Variants in FGD4 observed in about 807,000 individuals in gnomAD.
The protein encoded by FGD4 is FYVE, RhoGEF and PH domain-containing protein 4.
FGD4 carries 42 observed loss-of-function variants against 102.0 expected under a neutral mutation model. That is an observed-to-expected ratio of 0.41 (90% CI 0.32 to 0.53). The LOEUF (loss-of-function observed/expected upper bound fraction) is 0.53. Ranked by LOEUF, FGD4 falls within the 20% of genes least tolerant of loss-of-function variation. The probability of loss-of-function intolerance (pLI) is 0.21; values close to 1 mark genes in which losing one functional copy is unlikely to be tolerated. For synonymous variants in FGD4, 380 were observed against 375.7 expected (o/e 1.01, Z -0.13); for missense variants, 902 against 1,078.2 (o/e 0.84, Z 2.29).
intron 1 of FGD4, among the ~76,000 whole-genome samples, chr12:32,448,658 CAAAAAAA>C (rs112621517): frequency 1.2e-5 from 1 of 85,624 alleles, no homozygotes; most frequent in Non-Finnish European, 2.4e-5. Context: ...AACTCCATCG[CAAAAAAA>C]AAAAAAAGAA....
In FGD4 at chr12:32,607,894, G is replaced by A. The variant is rs1275986388; in HGVS notation, c.1405-63G>A. On this transcript the variant is annotated intron_variant, in intron 7 of 16. Coordinates refer to ENST00000534526, the MANE Select transcript of FGD4 (RefSeq NM_001370298.3). ...CCCTTGACGAAAGTTCTGTTTTACA[G>A]TGAGTTTTTAGACTTGCTAACCTAA... The A allele has an allele frequency of 3.1e-6, 5 of 1,593,162 alleles. No individual in the cohort carries two copies. The African/African-American group carries it at 5.4e-5, about 17-fold the overall frequency.
chr12:32,440,448 T>C (rs1292559447), intron 1 of FGD4, among the ~76,000 whole-genome samples: 1 of 152,190 alleles, frequency 6.6e-6, no homozygotes, highest in Non-Finnish European at 1.5e-5. Flanking sequence ...GGCAAAATTA[T>C]CTGGATCACC....
At chr12:32,606,804 A>C (rs1948812632) in intron 7 of FGD4, among the ~76,000 whole-genome samples, 1 of 152,144 alleles carries the variant, frequency 6.6e-6, no homozygotes, top group Non-Finnish European at 1.5e-5. Context: ...TCTTTTGTTA[A>C]CAGTTTCTTG....
chr12:32,455,618 C>T (rs1404934341), intron 1 of FGD4, among the ~76,000 whole-genome samples: 1 of 151,992 alleles, frequency 6.6e-6, no homozygotes, highest in Non-Finnish European at 1.5e-5. Context: ...TTCTGTGCAG[C>T]TTTTATGAAG....
At chr12:32,621,651 G>C (rs953735364) in intron 11 of FGD4, among the ~76,000 whole-genome samples, 3 of 152,216 alleles carry the variant, frequency 2.0e-5, no homozygotes, top group Admixed American at 2.0e-4. Context: ...AAAGTTTGAA[G>C]AAACAGCCAG....
intron 1 of FGD4, among the ~76,000 whole-genome samples, chr12:32,434,128 A>G (rs1284823999): frequency 1.3e-5 from 2 of 152,184 alleles, no homozygotes; most frequent in African/African-American, 2.4e-5. Flanking sequence ...TGCTGGGATT[A>G]CAGGCATGAA....
At position 32,644,224 on chromosome 12, in the gene FGD4, G is replaced by C. The variant is rs1275692793; in HGVS notation, c.*3691G>C. On this transcript the variant is annotated 3_prime_UTR_variant, in exon 17 of 17. Transcript: ENST00000534526. Reference sequence around the variant, plus strand: ...GTGGCCAACCAGTTCCTATTCTTCAGACTGTATTGACATCTGTAGTGGATC... The same window carrying C: ...GTGGCCAACCAGTTCCTATTCTTCACACTGTATTGACATCTGTAGTGGATC... The C allele has an allele frequency of 1.3e-5, 2 of 152,068 alleles. No individual in the cohort carries two copies. The highest frequency in any genetic ancestry group is 4.8e-5 in the African/African-American group (2 of 41,424). 9.4% of individuals were successfully genotyped at this position (152,068 alleles called of 1,614,324 possible). A position where few individuals can be genotyped will look rare whatever the true frequency, so the allele number is the denominator to read the frequency against.
At chr12:32,628,092 A>G (rs1950284501) in intron 14 of FGD4, among the ~76,000 whole-genome samples, 1 of 152,248 alleles carries the variant, frequency 6.6e-6, no homozygotes, top group South Asian at 2.1e-4. Context: ...CAGCGCTGGC[A>G]GCAGAGACAT....
At chr12:32,461,806 T>A (rs1943111340) in intron 1 of FGD4, among the ~76,000 whole-genome samples, 1 of 152,058 alleles carries the variant, frequency 6.6e-6, no homozygotes, top group Admixed American at 6.6e-5. Flanking sequence ...AGCTTACTGC[T>A]ACCTCTGCCT....
intron 4 of FGD4, among the ~76,000 whole-genome samples, chr12:32,593,219 C>G (rs1947621863): frequency 6.6e-6 from 1 of 152,088 alleles, no homozygotes; most frequent in Non-Finnish European, 1.5e-5. Context: ...ATAATTATAA[C>G]AGTGTCTGGC....
intron 10 of FGD4, among the ~76,000 whole-genome samples, chr12:32,615,629 C>T (rs1192528798): frequency 3.3e-5 from 5 of 151,874 alleles, no homozygotes; most frequent in African/African-American, 1.2e-4. Flanking sequence ...ACATGACTGC[C>T]ATCGGAAGGG....
At chr12:32,576,957 C>T (rs1400877539) in intron 3 of FGD4, among the ~76,000 whole-genome samples, 5 of 152,090 alleles carry the variant, frequency 3.3e-5, no homozygotes, top group African/African-American at 9.7e-5. Flanking sequence ...GGTTTCCCCT[C>T]TCCATATACT....
chr12:32,426,551 T>A (rs1941843780), intron 1 of FGD4, among the ~76,000 whole-genome samples: 1 of 152,170 alleles, frequency 6.6e-6, no homozygotes, highest in African/African-American at 2.4e-5. Context: ...TCTGCCAGGT[T>A]TTGGTGTCAG....
chr12:32,487,335 A>G (rs1210968733), intron 1 of FGD4, among the ~76,000 whole-genome samples: 1 of 152,246 alleles, frequency 6.6e-6, no homozygotes, highest in Non-Finnish European at 1.5e-5. Flanking sequence ...CTTTGTTTAA[A>G]TTTATGAATA....
intron 3 of FGD4, among the ~76,000 whole-genome samples, chr12:32,578,236 C>T (rs928507587): frequency 5.3e-5 from 8 of 151,804 alleles, no homozygotes; most frequent in Non-Finnish European, 7.4e-5. Flanking sequence ...AGTCCACTGC[C>T]GATACAAAAA....
intron 7 of FGD4, among the ~76,000 whole-genome samples, chr12:32,604,422 C>T (rs1240789418): frequency 6.6e-6 from 1 of 152,076 alleles, no homozygotes; most frequent in Non-Finnish European, 1.5e-5. Flanking sequence ...CTCCTGGGTT[C>T]AAATGATACT....
intron 1 of FGD4, among the ~76,000 whole-genome samples, chr12:32,478,216 G>T (rs553448852): frequency 9.2e-5 from 14 of 152,250 alleles, no homozygotes; most frequent in African/African-American, 3.4e-4. Context: ...GATAGCATCA[G>T]TAAGTTGTTG....
At chr12:32,435,506 T>TGTGTGTGTGG (rs1942199669) in intron 1 of FGD4, among the ~76,000 whole-genome samples, 1 of 151,996 alleles carries the variant, frequency 6.6e-6, no homozygotes, top group Admixed American at 6.6e-5. Flanking sequence ...AAAGTGTGTG[T>TGTGTGTGTGG]GTGTGTGTGT....
intron 1 of FGD4, among the ~76,000 whole-genome samples, chr12:32,476,181 A>G (rs1409100209): frequency 6.6e-6 from 1 of 152,148 alleles, no homozygotes; most frequent in Non-Finnish European, 1.5e-5. Flanking sequence ...AATCTTTACC[A>G]GCAGTCTTCT....
Sources: allele counts gnomAD v4.1 joint callset (sites outside exome capture counted in the v4.1 genomes callset), GRCh38; gene constraint gnomAD v4.1.1; transcripts MANE v1.5; gene names NCBI Gene and HGNC (gene_info 2026-07-23, HGNC 2026-07-21).